GRIA4: variants seen among roughly 807,000 people sequenced by gnomAD.
GRIA4 encodes the protein glutamate ionotropic receptor AMPA type subunit 4.
A neutral mutation model predicts 104.0 loss-of-function variants in GRIA4; 34 were observed. The ratio of observed to expected loss-of-function variants is 0.33; its 90% CI spans 0.25 to 0.44. The LOEUF is 0.44. Ranked by LOEUF, GRIA4 falls within the 20% of genes least tolerant of loss-of-function variation. The pLI is 1.00. For missense variants in GRIA4, 750 were observed against 1,096.5 expected (o/e 0.68, Z 4.46); for synonymous variants, 386 against 381.9 (o/e 1.01, Z -0.13).
At chr11:105,943,143 G>A (rs898805649) in intron 14 of GRIA4, among the ~76,000 whole-genome samples, 5 of 152,070 alleles carry the variant, frequency 3.3e-5, no homozygotes, top group Admixed American at 1.3e-4. Context: ...AGCTGGTTTT[G>A]GAATTTAAGT....
chr11:105,695,551 T>A (rs1953248389), intron 3 of GRIA4, among the ~76,000 whole-genome samples: 2 of 151,974 alleles, frequency 1.3e-5, no homozygotes, highest in Non-Finnish European at 2.9e-5. Flanking sequence ...GTCTTGCTTT[T>A]CCAATTAGTC....
chr11:105,908,416 TAGAG>T (rs1190556991), intron 9 of GRIA4, among the ~76,000 whole-genome samples: 6 of 152,246 alleles, frequency 3.9e-5, no homozygotes, highest in Non-Finnish European at 7.4e-5. Flanking sequence ...CTGTGAAGAC[TAGAG>T]AGAGAAATTC....
At chr11:105,825,372 T>C (rs558216667) in intron 4 of GRIA4, among the ~76,000 whole-genome samples, 9 of 152,056 alleles carry the variant, frequency 5.9e-5, no homozygotes, top group South Asian at 2.1e-4. Flanking sequence ...AAGCCAGCAA[T>C]GTGGTTCAGG....
intron 3 of GRIA4, among the ~76,000 whole-genome samples, chr11:105,713,341 C>T (rs1953981287): frequency 6.6e-6 from 1 of 151,554 alleles, no homozygotes. Context: ...GAGATTGCAC[C>T]ACTGCACCCC....
chr11:105,871,713 A>T (rs1945623069), intron 5 of GRIA4, among the ~76,000 whole-genome samples: 1 of 151,992 alleles, frequency 6.6e-6, no homozygotes, highest in Non-Finnish European at 1.5e-5. Flanking sequence ...AAAAGCAAAG[A>T]GAATGACTTT....
chr11:105,944,447 G>T (rs1210805571), intron 14 of GRIA4, among the ~76,000 whole-genome samples: 2 of 151,866 alleles, frequency 1.3e-5, no homozygotes, highest in African/African-American at 2.4e-5. Context: ...TTTTATGGGA[G>T]CCAATCACCC....
intron 3 of GRIA4, among the ~76,000 whole-genome samples, chr11:105,735,612 T>C (rs1938886497): frequency 6.6e-6 from 1 of 152,198 alleles, no homozygotes; most frequent in Non-Finnish European, 1.5e-5. Context: ...TTGAATGGAC[T>C]TTTTATCTCT....
At chr11:105,711,435 AT>A (rs967689950) in intron 3 of GRIA4, among the ~76,000 whole-genome samples, 2 of 152,052 alleles carry the variant, frequency 1.3e-5, no homozygotes, top group African/African-American at 2.4e-5. Context: ...TAATAATAAA[AT>A]TTAAAAAAAG....
chr11:105,945,713 A>G (rs1948290054), intron 14 of GRIA4, among the ~76,000 whole-genome samples: 1 of 152,236 alleles, frequency 6.6e-6, no homozygotes, highest in Non-Finnish European at 1.5e-5. Flanking sequence ...CACACAAGTC[A>G]TATCAGTTAT....
intron 4 of GRIA4, among the ~76,000 whole-genome samples, chr11:105,774,942 C>T (rs1941385316): frequency 6.6e-6 from 1 of 152,146 alleles, no homozygotes; most frequent in Admixed American, 6.6e-5. Flanking sequence ...TATTCTCCCT[C>T]AATCCTGAAC....
Position 105,850,715 on chromosome 11 carries a change from G to T in GRIA4, c.488-11309G>T, listed in dbSNP as rs1304675404. Among the ~76,000 whole-genome samples, 4 of 152,138 alleles carry T rather than the reference G, an allele frequency of 2.6e-5. No homozygotes were observed. The East Asian group carries it at 7.7e-4, about 29-fold the overall frequency. On this transcript the variant is annotated intron_variant, in intron 4 of 16. Coordinates refer to ENST00000282499, the MANE Select transcript of GRIA4 (RefSeq NM_000829.4). ...TAGAGCTACCAGAGACATTTGGGGA[G>T]GGGAGAATTGGGAGAAGGGGGCTTT...
At chr11:105,830,724 G>GATAGGC (rs1943945517) in intron 4 of GRIA4, among the ~76,000 whole-genome samples, 1 of 152,000 alleles carries the variant, frequency 6.6e-6, no homozygotes, top group African/African-American at 2.4e-5. Flanking sequence ...CACATAAAAG[G>GATAGGC]ATAGGCAGAA....
intron 14 of GRIA4, among the ~76,000 whole-genome samples, chr11:105,965,604 T>G (rs1365840500): frequency 6.6e-6 from 1 of 152,144 alleles, no homozygotes; most frequent in Non-Finnish European, 1.5e-5. Flanking sequence ...TCATTGGCAT[T>G]CTTAGAGGCA....
At chr11:105,798,587 G>T (rs1352383510) in intron 4 of GRIA4, among the ~76,000 whole-genome samples, 1 of 152,152 alleles carries the variant, frequency 6.6e-6, no homozygotes, top group African/African-American at 2.4e-5. Flanking sequence ...TACTAATTAA[G>T]AATGGGTGTG....
intron 3 of GRIA4, among the ~76,000 whole-genome samples, chr11:105,739,684 T>C (rs969362577): frequency 8.5e-5 from 13 of 152,134 alleles, no homozygotes; most frequent in Admixed American, 1.3e-4. Context: ...CACCATCTGA[T>C]TGAGCCTTTT....
At chr11:105,919,181 G>C (rs1212143189) in intron 11 of GRIA4, among the ~76,000 whole-genome samples, 3 of 151,886 alleles carry the variant, frequency 2.0e-5, no homozygotes, top group Admixed American at 6.6e-5. Flanking sequence ...TTGACTTCAG[G>C]ATCTGGAGTG....
At chr11:105,729,758 C>T (rs1238195568) in intron 3 of GRIA4, among the ~76,000 whole-genome samples, 1 of 152,110 alleles carries the variant, frequency 6.6e-6, no homozygotes, top group Admixed American at 6.5e-5. Flanking sequence ...TATCAAAAAC[C>T]ACATGATTAT....
intron 4 of GRIA4, among the ~76,000 whole-genome samples, chr11:105,767,042 T>G (rs1940978619): frequency 6.6e-6 from 1 of 152,210 alleles, no homozygotes. Flanking sequence ...ACAAGACATT[T>G]GATTTGTTTA....
At chr11:105,979,255 C>T (rs675001) in intron 16 of GRIA4, among the ~76,000 whole-genome samples, 86,486 of 151,986 alleles carry the variant, frequency 0.57, 24,636 homozygotes, top group Middle Eastern at 0.63. Flanking sequence ...AGCTTTTAAG[C>T]TCATCCAGAA....
Sources: allele counts gnomAD v4.1 joint callset (sites outside exome capture counted in the v4.1 genomes callset), GRCh38; gene constraint gnomAD v4.1.1; transcripts MANE v1.5; gene names NCBI Gene and HGNC (gene_info 2026-07-23, HGNC 2026-07-21).